The following NEK1 variants were observed in gnomAD, a reference collection of about 807,000 sequenced individuals.
The protein encoded by NEK1 is serine/threonine-protein kinase Nek1.
Under a neutral mutation model 182.1 loss-of-function variants are expected in NEK1, and 137 were observed. That is an observed-to-expected ratio of 0.75 (90% CI 0.65 to 0.87). The LOEUF is 0.87. NEK1 is among the 40% of genes least tolerant of loss of function. The pLI, the probability that NEK1 is intolerant of heterozygous loss-of-function variation, is 0.00. For synonymous variants in NEK1, 513 were observed against 492.2 expected, an observed-to-expected ratio of 1.04 and a Z score of -0.56; for missense variants, 1,391 against 1,494.4, an observed-to-expected ratio of 0.93 and a Z score of 1.14.
intron 27 of NEK1, among the ~76,000 whole-genome samples, chr4:169,441,773 G>T (rs1020735878): frequency 8.6e-5 from 13 of 151,580 alleles, no homozygotes; most frequent in African/African-American, 3.1e-4. Context: ...CATCATCTAG[G>T]GTCTAGAGAT....
At chr4:169,448,792 C>T (rs1316757102) in intron 27 of NEK1, among the ~76,000 whole-genome samples, 1 of 152,176 alleles carries the variant, frequency 6.6e-6, no homozygotes, top group Non-Finnish European at 1.5e-5. Flanking sequence ...TGGTTCATCT[C>T]AATGGGACTG....
intron 7 of NEK1, 39 bp from the exon 8 acceptor site, chr4:169,588,774 C>T (rs1580996564): frequency 8.2e-7 from 1 of 1,218,478 alleles, no homozygotes; most frequent in South Asian, 1.3e-5. Context: ...GTTAAAGACA[C>T]AGTCATGTGC....
At chr4:169,404,496 G>A (rs1170606842) in intron 32 of NEK1, among the ~76,000 whole-genome samples, 1 of 152,154 alleles carries the variant, frequency 6.6e-6, no homozygotes, top group Non-Finnish European at 1.5e-5. Context: ...AACATTATGA[G>A]AGTGATATAA....
chr4:169,575,248 C>G (rs765850047), intron 12 of NEK1, among the ~76,000 whole-genome samples: 6 of 152,202 alleles, frequency 3.9e-5, no homozygotes, highest in Admixed American at 6.5e-5. Context: ...TACCATATTG[C>G]CCCTCAGCTC....
intron 12 of NEK1, among the ~76,000 whole-genome samples, chr4:169,576,187 A>T (rs1314396222): frequency 6.6e-6 from 1 of 151,708 alleles, no homozygotes; most frequent in African/African-American, 2.4e-5. Context: ...CTGGTCTGGA[A>T]CTCCTGACCC....
rs147543390 is a variant in NEK1, at chr4:169,436,962, C to T, written c.2764+1121G>A. ...TATCAATAATATTCACATAAACCCACAAAATTATTTAGAAATTCTGCTTTT... is the reference window on the plus strand; with the variant it reads ...TATCAATAATATTCACATAAACCCATAAAATTATTTAGAAATTCTGCTTTT... On this transcript the variant is annotated intron_variant, in intron 28 of 35. Coordinates refer to ENST00000507142, the MANE Select transcript of NEK1 (RefSeq NM_001199397.3). Among the ~76,000 whole-genome samples the T allele has an allele frequency of 8.0e-3, 1,216 of 152,292 alleles. 20 individuals are homozygous for T. The highest frequency in any genetic ancestry group is 0.028 in the African/African-American group (1,165 of 41,560).
At chr4:169,512,925 C>A (rs1754422110) in intron 19 of NEK1, among the ~76,000 whole-genome samples, 1 of 152,106 alleles carries the variant, frequency 6.6e-6, no homozygotes, top group African/African-American at 2.4e-5. Flanking sequence ...TGCATCTATT[C>A]TGGGACTCTC....
chr4:169,547,512 G>T (rs1760708718), intron 18 of NEK1, among the ~76,000 whole-genome samples: 1 of 152,132 alleles, frequency 6.6e-6, no homozygotes, highest in African/African-American at 2.4e-5. Flanking sequence ...GAATTTGAAT[G>T]CTGGCCTGCC....
At chr4:169,441,338 C>T (rs568276386) in intron 27 of NEK1, among the ~76,000 whole-genome samples, 105 of 152,330 alleles carry the variant, frequency 6.9e-4, no homozygotes, top group African/African-American at 2.5e-3. Context: ...TCACTGATGC[C>T]ACCACCTGAG....
intron 18 of NEK1, among the ~76,000 whole-genome samples, chr4:169,550,062 C>A (rs1189335928): frequency 6.6e-6 from 1 of 152,038 alleles, no homozygotes; most frequent in Non-Finnish European, 1.5e-5. Context: ...GTGTCCCCAC[C>A]CAAATCTCAA....
At chr4:169,539,592 G>A (rs372094574) in intron 18 of NEK1, among the ~76,000 whole-genome samples, 20 of 152,176 alleles carry the variant, frequency 1.3e-4, no homozygotes, top group South Asian at 1.0e-3. Flanking sequence ...ATATCTGGTC[G>A]TAATGCAACT....
At chr4:169,552,529 G>A (rs1042263656) in intron 18 of NEK1, among the ~76,000 whole-genome samples, 2 of 152,024 alleles carry the variant, frequency 1.3e-5, no homozygotes, top group East Asian at 3.8e-4. Flanking sequence ...CCAACATCAG[G>A]AACAAGACAA....
chr4:169,521,944 T>A (rs866400201), intron 19 of NEK1, among the ~76,000 whole-genome samples: 4 of 152,218 alleles, frequency 2.6e-5, no homozygotes, highest in Non-Finnish European at 4.4e-5. Context: ...AGGTGAGAAA[T>A]TTTCAGTCAT....
intron 12 of NEK1, among the ~76,000 whole-genome samples, chr4:169,570,553 T>TG (rs1364941376): frequency 3.6e-5 from 5 of 139,320 alleles, no homozygotes; most frequent in South Asian, 2.3e-4. Context: ...GGGAGGGAGG[T>TG]GGGGGGGTCA....
intron 31 of NEK1, among the ~76,000 whole-genome samples, chr4:169,416,039 A>G (rs1479688639): frequency 6.6e-6 from 1 of 152,206 alleles, no homozygotes; most frequent in Non-Finnish European, 1.5e-5. Context: ...TTCAGAAAAA[A>G]GAGAGACTTT....
intron 35 of NEK1, 154 bp downstream of exon 35, chr4:169,400,071 A>C (rs1731390168): frequency 1.3e-6 from 1 of 773,802 alleles, no homozygotes; most frequent in Admixed American, 2.1e-5. Flanking sequence ...CAGTAAAAGT[A>C]CATGACAAAG....
At chr4:169,562,775 C>A (rs1249587628) in intron 12 of NEK1, among the ~76,000 whole-genome samples, 1 of 151,924 alleles carries the variant, frequency 6.6e-6, no homozygotes, top group East Asian at 1.9e-4. Context: ...ATTTCAATAG[C>A]TTTAGGGGTA....
At chr4:169,514,107 T>A (rs1429351903) in intron 19 of NEK1, among the ~76,000 whole-genome samples, 1 of 152,016 alleles carries the variant, frequency 6.6e-6, no homozygotes, top group Non-Finnish European at 1.5e-5. Context: ...TGCCTGAGCC[T>A]CCTGAGTAGC....
At chr4:169,489,438 A>G (rs75913865) in intron 23 of NEK1, among the ~76,000 whole-genome samples, 2,343 of 152,274 alleles carry the variant, frequency 0.015, 29 homozygotes, top group Middle Eastern at 0.041. Flanking sequence ...GTGACTTAAG[A>G]ATGTCAGAGA....
Sources: gnomAD v4.1 joint callset for allele counts (sites outside exome capture counted in the v4.1 genomes callset) on GRCh38, gnomAD v4.1.1 for gene constraint, MANE v1.5 for transcripts, NCBI Gene and HGNC (gene_info 2026-07-23, HGNC 2026-07-21) for gene names.